The following ERG variants were observed in gnomAD, a reference collection of about 807,000 sequenced individuals.
ERG encodes the protein transcriptional regulator ERG.
A neutral mutation model predicts 55.3 loss-of-function variants in ERG; 9 were observed. That is an observed-to-expected ratio of 0.16 (90% CI 0.10 to 0.28). The LOEUF (loss-of-function observed/expected upper bound fraction) is 0.28, where lower values mean the gene tolerates loss of function less well. Ranked by LOEUF, ERG falls within the 10% of genes least tolerant of loss-of-function variation. The pLI is 1.00. For missense variants in ERG, 434 were observed against 631.6 expected (o/e 0.69, Z 3.35); for synonymous variants, 223 against 237.3 (o/e 0.94, Z 0.55).
chr21:38,518,198 C>A (rs369072642), intron 2 of ERG, among the ~76,000 whole-genome samples: 18 of 152,138 alleles, frequency 1.2e-4, no homozygotes, highest in East Asian at 7.7e-4. Context: ...ATGCATGTAA[C>A]AAACTATCAC....
At chr21:38,371,113 A>G in the ERG span, among the ~76,000 whole-genome samples, 1 of 152,104 alleles carries the variant, frequency 6.6e-6, no homozygotes, top group Non-Finnish European at 1.5e-5. Flanking sequence ...TTGTTTTCCC[A>G]TAAAGCTCTT....
chr21:38,478,654 A>G (rs2059210715), intron 1 of ERG, among the ~76,000 whole-genome samples: 1 of 152,206 alleles, frequency 6.6e-6, no homozygotes, highest in African/African-American at 2.4e-5. Context: ...AGGAACTTCA[A>G]TTTTTATTTG....
chr21:38,605,805 T>A (rs947489527), intron 1 of ERG, among the ~76,000 whole-genome samples: 9 of 151,710 alleles, frequency 5.9e-5, no homozygotes, highest in African/African-American at 1.9e-4. Flanking sequence ...CTGTTACTTG[T>A]ATGGTGTGTT....
chr21:38,531,796 G>C (rs923318257), intron 2 of ERG, among the ~76,000 whole-genome samples: 2 of 152,146 alleles, frequency 1.3e-5, no homozygotes, highest in African/African-American at 4.8e-5. Context: ...GCGCTGCTGT[G>C]AGTGAGTGTG....
chr21:38,392,272 T>G, intron 7 of ERG, 104 bp downstream of exon 7: 2 of 956,356 alleles, frequency 2.1e-6, no homozygotes, highest in Non-Finnish European at 3.3e-6. Context: ...ACCCATCACA[T>G]GTTGCAAAAT....
intron 8 of ERG, 88 bp downstream of exon 8, chr21:38,391,571 A>G (rs1987973579): frequency 1.8e-6 from 2 of 1,110,806 alleles, no homozygotes; most frequent in Middle Eastern, 2.0e-4. Context: ...AATCATGTTA[A>G]TTTCCATTAA....
chr21:38,519,820 G>A (rs1211693613), intron 2 of ERG, among the ~76,000 whole-genome samples: 1 of 152,092 alleles, frequency 6.6e-6, no homozygotes, highest in Non-Finnish European at 1.5e-5. Flanking sequence ...GCTATATCTG[G>A]CTGCACAACT....
intron 2 of ERG, among the ~76,000 whole-genome samples, chr21:38,423,971 T>A (rs1446726159): frequency 7.0e-6 from 1 of 142,726 alleles, no homozygotes; most frequent in Non-Finnish European, 1.5e-5. Context: ...TAAGATTCCA[T>A]CTCAAAACAA....
intron 2 of ERG, among the ~76,000 whole-genome samples, chr21:38,573,188 C>T (rs1047146705): frequency 6.6e-6 from 1 of 152,252 alleles, no homozygotes; most frequent in African/African-American, 2.4e-5. Flanking sequence ...CGGAAAGCCG[C>T]AGGGACCTCT....
chr21:38,451,246 C>T (rs761067931), intron 1 of ERG: 3 of 500,830 alleles, frequency 6.0e-6, no homozygotes, highest in South Asian at 4.4e-5. Context: ...TGCTGGGAAC[C>T]AGTAAGGACT....
In ERG at chr21:38,383,866, T is replaced by G; in HGVS notation, c.977A>C (p.Asn326Thr). The change falls in exon 10 of 10, where the codon AAC becomes ACC. Residue 326 changes from asparagine to threonine, a missense_variant. Physicochemically the swap from Asn to Thr is moderately conservative, Grantham distance 65. Around this residue, in one of 5 missense-constraint regions of ERG, gnomAD observed 99 missense variants for 145.6 expected, o/e 0.68. Transcript: ENST00000288319. The surrounding 1 kb of genome is among the most constrained non-coding windows in gnomAD (Gnocchi z 5.7). ...FLLELLSDSS[N>T]SSCITWEGTN... Reference sequence around the variant, plus strand: ...GCCTTCCCAGGTGATGCAGCTGGAGTTGGAGCTGTCCGACAGGAGCTCCAG... The same window carrying G: ...GCCTTCCCAGGTGATGCAGCTGGAGGTGGAGCTGTCCGACAGGAGCTCCAG... 1 of 1,613,978 alleles carries G rather than the reference T, an allele frequency of 6.2e-7. No individual in the cohort carries two copies. The highest frequency in any genetic ancestry group is 8.5e-7 in the Non-Finnish European group (1 of 1,179,988).
chr21:38,526,940 C>G (rs2059634077), intron 2 of ERG, among the ~76,000 whole-genome samples: 1 of 152,170 alleles, frequency 6.6e-6, no homozygotes, highest in Non-Finnish European at 1.5e-5. Context: ...TAAGAAAAAT[C>G]CCAGTTCTGC....
intron 1 of ERG, among the ~76,000 whole-genome samples, chr21:38,635,060 T>C (rs919669560): frequency 6.6e-6 from 1 of 152,180 alleles, no homozygotes; most frequent in African/African-American, 2.4e-5. Context: ...AAAGCCTACA[T>C]ACTATATGAC....
At chr21:38,526,627 T>C (rs2059632232) in intron 2 of ERG, among the ~76,000 whole-genome samples, 1 of 152,188 alleles carries the variant, frequency 6.6e-6, no homozygotes, top group Non-Finnish European at 1.5e-5. Flanking sequence ...ATAATTTAAT[T>C]AAAATACATG....
chr21:38,481,344 C>A (rs185941299), intron 1 of ERG, among the ~76,000 whole-genome samples: 1 of 152,102 alleles, frequency 6.6e-6, no homozygotes, highest in Admixed American at 6.6e-5. Context: ...ACTTTACATG[C>A]GGACGCTGTG....
intron 3 of ERG, among the ~76,000 whole-genome samples, chr21:38,417,302 A>G (rs1185996767): frequency 6.6e-6 from 1 of 152,262 alleles, no homozygotes; most frequent in Non-Finnish European, 1.5e-5. Context: ...GGTGAATGGA[A>G]CACAGTAAGA....
chr21:38,610,524 C>CGTGTGTGT (rs149000999), intron 1 of ERG, among the ~76,000 whole-genome samples: 1 of 117,226 alleles, frequency 8.5e-6, no homozygotes, highest in African/African-American at 3.8e-5. Context: ...TGCGCGCACG[C>CGTGTGTGT]GCGTGTGTGT....
chr21:38,423,316 A>G (rs1989633598), intron 3 of ERG, 94 bp downstream of exon 3: 3 of 1,341,208 alleles, frequency 2.2e-6, no homozygotes, highest in East Asian at 2.4e-5. Context: ...GATGTGATCA[A>G]TGCCACAGGT....
intron 2 of ERG, among the ~76,000 whole-genome samples, chr21:38,508,136 T>G (rs1279927457): frequency 6.9e-6 from 1 of 144,640 alleles, no homozygotes; most frequent in Non-Finnish European, 1.5e-5. Context: ...TATCGATATC[T>G]ATGAACAGAT....
Sources: allele counts gnomAD v4.1 joint callset (sites outside exome capture counted in the v4.1 genomes callset), GRCh38; gene constraint gnomAD v4.1.1; regional missense constraint gnomAD v4.1.1; non-coding constraint Gnocchi (gnomAD v3.1); transcripts MANE v1.5; gene names NCBI Gene and HGNC (gene_info 2026-07-23, HGNC 2026-07-21).